TRERF1: variants seen among roughly 807,000 people sequenced by gnomAD.
The protein encoded by TRERF1 is transcriptional-regulating factor 1.
A neutral mutation model predicts 122.9 loss-of-function variants in TRERF1; 27 were observed. That is an observed-to-expected ratio of 0.22 (90% CI 0.16 to 0.30). TRERF1 has a LOEUF of 0.30. TRERF1 is among the 10% of genes least tolerant of loss of function. The probability of loss-of-function intolerance (pLI) is 1.00; values close to 1 mark genes in which losing one functional copy is unlikely to be tolerated. For synonymous variants in TRERF1, 636 were observed against 641.7 expected (o/e 0.99, Z 0.13); for missense variants, 1,248 against 1,560.3 (o/e 0.80, Z 3.37).
chr6:42,301,199 A>C (rs1341294076), intron 3 of TRERF1, among the ~76,000 whole-genome samples: 1 of 151,812 alleles, frequency 6.6e-6, no homozygotes, highest in Non-Finnish European at 1.5e-5. Context: ...GTTATTTGTC[A>C]TGAAGAACCA....
chr6:42,282,408 T>C (rs1782455794), intron 4 of TRERF1, among the ~76,000 whole-genome samples: 1 of 151,922 alleles, frequency 6.6e-6, no homozygotes, highest in Non-Finnish European at 1.5e-5. Context: ...ATCAGCCAGG[T>C]GTGGTGGTGC....
chr6:42,372,147 A>C (rs1773885932), intron 2 of TRERF1, among the ~76,000 whole-genome samples: 1 of 152,148 alleles, frequency 6.6e-6, no homozygotes. Context: ...AAGCCACTGC[A>C]CTCCAGCCTG....
At chr6:42,264,600 T>C in intron 7 of TRERF1, 104 bp downstream of exon 7, 5 of 1,517,278 alleles carry the variant, frequency 3.3e-6, no homozygotes, top group Non-Finnish European at 3.5e-6. Context: ...GGACTGTGCC[T>C]CGCCAGGTCC....
In TRERF1 at chr6:42,232,760, C is replaced by T. The variant is rs768830955; in HGVS notation, c.3199G>A (p.Val1067Ile). 8.7e-6 allele frequency: 14 copies of T among 1,612,390 alleles called. No homozygotes were observed. In the South Asian group the frequency reaches 1.1e-4, roughly 13 times the overall value. ...GTGCTGTGAGAGGGTGAGCTCTTTACCGAACAGTACCCACTCTGGGTGCCA... is the reference window on the plus strand; with the variant it reads ...GTGCTGTGAGAGGGTGAGCTCTTTATCGAACAGTACCCACTCTGGGTGCCA... The change falls in exon 17 of 18, where the codon GTA becomes ATA. Residue 1067 changes from valine to isoleucine, a missense_variant. Val to Ile is a conservative substitution (Grantham distance 29). Coordinates refer to ENST00000372922, the Ensembl canonical transcript of TRERF1. This position sits in a 1 kb window ranked among gnomAD's most constrained non-coding sequence, Gnocchi z 4.5.
At chr6:42,441,261 G>A (rs1227268615) in intron 2 of TRERF1, among the ~76,000 whole-genome samples, 3 of 152,010 alleles carry the variant, frequency 2.0e-5, no homozygotes, top group Admixed American at 6.6e-5. Flanking sequence ...TTTTCTGCAC[G>A]CAGCATTTAC....
rs113236220 is a variant in TRERF1 at position 42,380,145 on chromosome 6, G to A, written c.-453-17066C>T. Among the ~76,000 whole-genome samples, 71 of 151,724 alleles carry A rather than the reference G, an allele frequency of 4.7e-4. 2 individuals are homozygous for A. Among genetic ancestry groups the A allele is most frequent in the African/African-American group, 1.4e-3 (56 of 41,346 alleles). On this transcript the variant is annotated intron_variant, in intron 2 of 17. Transcript: ENST00000372922. ...AAGGATCAGCAAGTGCAAAGGCCCC[G>A]AGGTGGGAATCTCAGGAACAACCAG...
At chr6:42,341,585 G>C (rs1045542044) in intron 3 of TRERF1, among the ~76,000 whole-genome samples, 13 of 152,184 alleles carry the variant, frequency 8.5e-5, no homozygotes, top group African/African-American at 2.9e-4. Flanking sequence ...ATGGGTGCCT[G>C]TTCTTTTTCT....
At chr6:42,360,029 C>A (rs1486913936) in intron 3 of TRERF1, among the ~76,000 whole-genome samples, 3 of 152,062 alleles carry the variant, frequency 2.0e-5, no homozygotes, top group Admixed American at 6.6e-5. Context: ...TCTAACAGAA[C>A]TAATCAGCAG....
At chr6:42,261,554 A>C (rs1476944812) in intron 8 of TRERF1, among the ~76,000 whole-genome samples, 1 of 152,104 alleles carries the variant, frequency 6.6e-6, no homozygotes, top group Non-Finnish European at 1.5e-5. Context: ...GATGAGAACC[A>C]CTGATGAGTC....
At chr6:42,264,745 G>A (rs747612556) in exon 7 of TRERF1, 8 of 1,614,084 alleles carry the variant, frequency 5.0e-6, no homozygotes, top group Admixed American at 1.7e-5. Flanking sequence ...CCGTGGGACC[G>A]CATGTGGCCA....
At chr6:42,315,929 C>A (rs1762421242) in intron 3 of TRERF1, among the ~76,000 whole-genome samples, 1 of 152,074 alleles carries the variant, frequency 6.6e-6, no homozygotes, top group Non-Finnish European at 1.5e-5. Context: ...CCACACCTAC[C>A]CTCACGGTAC....
intron 2 of TRERF1, among the ~76,000 whole-genome samples, chr6:42,422,888 G>A (rs1310847179): frequency 6.6e-6 from 1 of 152,002 alleles, no homozygotes; most frequent in Non-Finnish European, 1.5e-5. Flanking sequence ...TGCCCAGGCT[G>A]GAGTGCAATG....
chr6:42,354,574 A>G (rs1270081402), intron 3 of TRERF1, among the ~76,000 whole-genome samples: 1 of 152,096 alleles, frequency 6.6e-6, no homozygotes, highest in Admixed American at 6.5e-5. Flanking sequence ...GATTTTTCCC[A>G]AATTGTTAAT....
intron 2 of TRERF1, among the ~76,000 whole-genome samples, chr6:42,433,067 G>A (rs1274485601): frequency 6.6e-6 from 1 of 152,014 alleles, no homozygotes; most frequent in Non-Finnish European, 1.5e-5. Context: ...ATACAACAAG[G>A]CAGTTGGGAC....
chr6:42,342,105 C>T (rs1186903268), intron 3 of TRERF1, among the ~76,000 whole-genome samples: 22 of 152,238 alleles, frequency 1.4e-4, no homozygotes, highest in Non-Finnish European at 4.4e-5. Context: ...TACTGGGCTC[C>T]CCCTGAGGGC....
At chr6:42,294,115 G>C (rs1347691677) in intron 4 of TRERF1, among the ~76,000 whole-genome samples, 1 of 148,516 alleles carries the variant, frequency 6.7e-6, no homozygotes, top group Non-Finnish European at 1.5e-5. Flanking sequence ...TTTTGGAAAA[G>C]AGAAGAGAGT....
At chr6:42,280,328 C>T (rs1450944753) in intron 4 of TRERF1, among the ~76,000 whole-genome samples, 1 of 152,216 alleles carries the variant, frequency 6.6e-6, no homozygotes, top group Non-Finnish European at 1.5e-5. Context: ...TCCTCCAGGC[C>T]TCCGAGGATC....
At position 42,276,345 on chromosome 6, in the gene TRERF1, G is replaced by A. The variant is rs556548675; in HGVS notation, c.-258-6497C>T. ...CCGGCCAGACCACCATTGCTTGTTT[G>A]AGGAAGAAAAACCAAAAAGATTTTC... On this transcript the variant is annotated intron_variant, in intron 4 of 17. Coordinates refer to ENST00000372922, the Ensembl canonical transcript of TRERF1. The surrounding 1 kb of genome is among the most constrained non-coding windows in gnomAD (Gnocchi z 4.3). 6.6e-6 allele frequency among the ~76,000 whole-genome samples: 1 copy of A among 152,364 alleles called. No homozygotes were observed. Among genetic ancestry groups the A allele is most frequent in the African/African-American group, 2.4e-5 (1 of 41,586 alleles).
At chr6:42,427,227 T>C (rs993448296) in intron 2 of TRERF1, among the ~76,000 whole-genome samples, 2 of 152,144 alleles carry the variant, frequency 1.3e-5, no homozygotes, top group African/African-American at 4.8e-5. Context: ...CATAAATGCT[T>C]AGCAAATGAG....
Sources: gnomAD v4.1 joint callset for allele counts (sites outside exome capture counted in the v4.1 genomes callset) on GRCh38, gnomAD v4.1.1 for gene constraint, Gnocchi (gnomAD v3.1) non-coding constraint, MANE v1.5 for transcripts, NCBI Gene and HGNC (gene_info 2026-07-23, HGNC 2026-07-21) for gene names.